Variants in KIAA0825 observed in about 807,000 individuals in gnomAD.
KIAA0825 encodes the protein uncharacterized protein KIAA0825.
KIAA0825 carries 119 observed loss-of-function variants against 147.6 expected under a neutral mutation model. That is an observed-to-expected ratio of 0.81 (90% CI 0.69 to 0.94). The LOEUF is 0.94. KIAA0825 is among the 40% of genes least tolerant of loss of function. KIAA0825 has a pLI of 0.00. For missense variants in KIAA0825, 1,381 were observed against 1,472.7 expected (o/e 0.94, Z 1.02); for synonymous variants, 470 against 518.1 (o/e 0.91, Z 1.26).
chr5:94,484,157 C>G (rs1762784783), intron 6 of KIAA0825, among the ~76,000 whole-genome samples: 1 of 151,570 alleles, frequency 6.6e-6, no homozygotes, highest in South Asian at 2.1e-4. Flanking sequence ...TAAGACTAAA[C>G]TAAAAACAAC....
chr5:94,270,948 C>T (rs1776953666), intron 20 of KIAA0825, among the ~76,000 whole-genome samples: 1 of 152,070 alleles, frequency 6.6e-6, no homozygotes, highest in African/African-American at 2.4e-5. Context: ...TTCCCCCAAA[C>T]TCTGCATTAA....
chr5:94,561,717 T>C (rs530316728), intron 2 of KIAA0825, among the ~76,000 whole-genome samples: 1 of 152,242 alleles, frequency 6.6e-6, no homozygotes, highest in Non-Finnish European at 1.5e-5. Context: ...ATACATATAG[T>C]TCCTCATATT....
At chr5:94,311,135 A>G (rs1233180481) in intron 20 of KIAA0825, among the ~76,000 whole-genome samples, 2 of 151,602 alleles carry the variant, frequency 1.3e-5, no homozygotes, top group African/African-American at 2.4e-5. Flanking sequence ...GCCTATTCCA[A>G]TTCTCTAAGA....
At chr5:94,578,304 A>C (rs1444546463) in intron 2 of KIAA0825, among the ~76,000 whole-genome samples, 1 of 152,204 alleles carries the variant, frequency 6.6e-6, no homozygotes, top group Admixed American at 6.5e-5. Flanking sequence ...ACAATTCCGT[A>C]GACTGTGGCT....
At chr5:94,417,888 G>A (rs1175501587) in intron 14 of KIAA0825, among the ~76,000 whole-genome samples, 1 of 152,128 alleles carries the variant, frequency 6.6e-6, no homozygotes, top group East Asian at 1.9e-4. Flanking sequence ...TCAGACTGAA[G>A]AGTTTTATCA....
intron 5 of KIAA0825, among the ~76,000 whole-genome samples, chr5:94,488,759 G>A (rs769892980): frequency 1.8e-4 from 28 of 152,072 alleles, no homozygotes; most frequent in African/African-American, 4.3e-4. Context: ...TAGATTATAC[G>A]AAAAGGGTTC....
intron 5 of KIAA0825, among the ~76,000 whole-genome samples, chr5:94,515,940 CAA>C (rs1562580301): frequency 6.6e-6 from 1 of 152,106 alleles, no homozygotes; most frequent in East Asian, 1.9e-4. Flanking sequence ...ATTGTTAAAT[CAA>C]AAAGATTCTG....
chr5:94,303,065 A>G (rs2150181997), intron 20 of KIAA0825, among the ~76,000 whole-genome samples: 1 of 152,160 alleles, frequency 6.6e-6, no homozygotes, highest in East Asian at 1.9e-4. Flanking sequence ...ACAATTGCAT[A>G]TACACATATT....
intron 2 of KIAA0825, among the ~76,000 whole-genome samples, chr5:94,560,057 C>T (rs1777279839): frequency 6.6e-6 from 1 of 152,150 alleles, no homozygotes; most frequent in African/African-American, 2.4e-5. Flanking sequence ...TCTCTGAGGG[C>T]TGCTTCCTGT....
At chr5:94,399,681 T>A (rs1228488329) in intron 16 of KIAA0825, among the ~76,000 whole-genome samples, 1 of 152,086 alleles carries the variant, frequency 6.6e-6, no homozygotes, top group Non-Finnish European at 1.5e-5. Context: ...ACATATTGTG[T>A]CATCCAATTT....
At chr5:94,432,365 C>A (rs1204310262) in intron 14 of KIAA0825, among the ~76,000 whole-genome samples, 1 of 152,152 alleles carries the variant, frequency 6.6e-6, no homozygotes, top group Non-Finnish European at 1.5e-5. Context: ...AGACAAGAAG[C>A]CTTATTTTAC....
At chr5:94,237,067 G>C (rs1870578) in intron 20 of KIAA0825, among the ~76,000 whole-genome samples, 8 of 151,972 alleles carry the variant, frequency 5.3e-5, no homozygotes, top group African/African-American at 9.6e-5. Flanking sequence ...GTGTGTGTGT[G>C]TGTGTCTGTG....
chr5:94,561,807 T>G (rs1054160890), intron 2 of KIAA0825, among the ~76,000 whole-genome samples: 1 of 152,212 alleles, frequency 6.6e-6, no homozygotes, highest in East Asian at 1.9e-4. Context: ...AATAGCCTTC[T>G]AGTCATAACT....
intron 7 of KIAA0825, among the ~76,000 whole-genome samples, chr5:94,475,963 A>G (rs1331841039): frequency 6.6e-6 from 1 of 152,348 alleles, no homozygotes; most frequent in South Asian, 2.1e-4. Flanking sequence ...ACTAGAGAAC[A>G]CTTACTAGTT....
At chr5:94,598,385 G>A (rs1459023615) in intron 1 of KIAA0825, among the ~76,000 whole-genome samples, 1 of 151,838 alleles carries the variant, frequency 6.6e-6, no homozygotes, top group African/African-American at 2.4e-5. Context: ...AGGTTTTCAT[G>A]GGCAATAACA....
At chr5:94,599,228 G>C (rs528074186) in intron 1 of KIAA0825, among the ~76,000 whole-genome samples, 2 of 151,682 alleles carry the variant, frequency 1.3e-5, no homozygotes, top group Non-Finnish European at 2.9e-5. Context: ...CTGATGACTA[G>C]TGGTGTTGAG....
intron 5 of KIAA0825, among the ~76,000 whole-genome samples, chr5:94,485,945 G>GT (rs772677802): frequency 6.6e-6 from 1 of 151,598 alleles, no homozygotes; most frequent in African/African-American, 2.4e-5. Context: ...CTTAAAGGTT[G>GT]TTTTTTTGCC....
chr5:94,561,922 C>T (rs571547114), intron 2 of KIAA0825, among the ~76,000 whole-genome samples: 14 of 152,154 alleles, frequency 9.2e-5, no homozygotes, highest in South Asian at 2.1e-4. Flanking sequence ...ACTATAATAA[C>T]GTAACTTGAG....
At chr5:94,515,688 A>T (rs1416183794) in intron 5 of KIAA0825, among the ~76,000 whole-genome samples, 1 of 151,830 alleles carries the variant, frequency 6.6e-6, no homozygotes, top group Non-Finnish European at 1.5e-5. Flanking sequence ...GCTACTTGGG[A>T]GACTGAGGCA....
Sources: gnomAD v4.1 joint callset for allele counts (sites outside exome capture counted in the v4.1 genomes callset) on GRCh38, gnomAD v4.1.1 for gene constraint, MANE v1.5 for transcripts, NCBI Gene and HGNC (gene_info 2026-07-23, HGNC 2026-07-21) for gene names.